Variants in PCSK6 observed in about 807,000 individuals in gnomAD.
PCSK6 encodes paired basic amino acid cleaving enzyme 4.
A neutral mutation model predicts 123.3 loss-of-function variants in PCSK6; 85 were observed. The ratio of observed to expected loss-of-function variants is 0.69; its 90% confidence interval spans 0.58 to 0.83. The LOEUF (loss-of-function observed/expected upper bound fraction) is 0.83, where lower values mean the gene tolerates loss of function less well. Among genes scored for constraint, PCSK6 ranks in the 40% least tolerant of loss-of-function variants. PCSK6 has a pLI of 0.00. For synonymous variants in PCSK6, 508 were observed against 516.0 expected, an observed-to-expected ratio of 0.98 and a Z score of 0.21; for missense variants, 1,191 against 1,282.3, an observed-to-expected ratio of 0.93 and a Z score of 1.09.
chr15:101,427,498 A>G (rs142495560), intron 6 of PCSK6, among the ~76,000 whole-genome samples: 2,152 of 152,322 alleles, frequency 0.014, 56 homozygotes, highest in African/African-American at 0.048. Context: ...AGTGGGAGTC[A>G]GAACCCAGGG....
chr15:101,453,613 A>C (rs2057094308), intron 1 of PCSK6, among the ~76,000 whole-genome samples: 1 of 152,078 alleles, frequency 6.6e-6, no homozygotes, highest in Non-Finnish European at 1.5e-5. Context: ...AATAATGGCA[A>C]CTCATTGTAC....
chr15:101,475,343 TA>T (rs939814485), intron 1 of PCSK6, among the ~76,000 whole-genome samples: 2 of 151,928 alleles, frequency 1.3e-5, no homozygotes, highest in African/African-American at 4.8e-5. Flanking sequence ...GCAACGTACT[TA>T]AAAACAAGGG....
intron 1 of PCSK6, among the ~76,000 whole-genome samples, chr15:101,478,330 G>T (rs1166487861): frequency 1.3e-5 from 2 of 152,116 alleles, no homozygotes; most frequent in Non-Finnish European, 2.9e-5. Flanking sequence ...AGTCATGGTG[G>T]GGTACTGGAA....
intron 6 of PCSK6, among the ~76,000 whole-genome samples, chr15:101,399,895 G>A (rs898224697): frequency 3.9e-5 from 6 of 152,284 alleles, no homozygotes; most frequent in African/African-American, 1.2e-4. Flanking sequence ...TCATCAAGAC[G>A]AATTCTAAAT....
rs1056241038 is a variant in PCSK6 at position 101,356,725 on chromosome 15, T to A, written c.1858+9471A>T. ...AATAAATAAATAAATAAATAAATAA[T>A]ATAGGTGTGCAGGAATAAATGAAGA... On this transcript the variant is annotated intron_variant, in intron 13 of 21. Coordinates refer to ENST00000611716, the MANE Select transcript of PCSK6 (RefSeq NM_002570.5). Among the ~76,000 whole-genome samples, 5 of 147,522 alleles carry A rather than the reference T, an allele frequency of 3.4e-5. No individual in the cohort carries two copies. In the South Asian group the frequency reaches 8.5e-4, roughly 25 times the overall value.
At chr15:101,396,162 C>G (rs2042406601) in intron 7 of PCSK6, among the ~76,000 whole-genome samples, 1 of 152,104 alleles carries the variant, frequency 6.6e-6, no homozygotes, top group Non-Finnish European at 1.5e-5. Context: ...GAAAAAAAAT[C>G]AAATGACCTC....
intron 11 of PCSK6, among the ~76,000 whole-genome samples, chr15:101,377,178 G>C (rs2041771842): frequency 1.3e-5 from 2 of 152,120 alleles, no homozygotes; most frequent in South Asian, 4.1e-4. Flanking sequence ...ACCTGCCGCA[G>C]ATGAGACGCC....
At chr15:101,402,175 T>G (rs2042608955) in intron 6 of PCSK6, among the ~76,000 whole-genome samples, 1 of 146,000 alleles carries the variant, frequency 6.8e-6, no homozygotes, top group African/African-American at 2.6e-5. Context: ...GGGGAAAGGA[T>G]TCCCTATTTA....
intron 13 of PCSK6, among the ~76,000 whole-genome samples, chr15:101,362,258 A>G (rs1425755838): frequency 6.6e-6 from 1 of 152,120 alleles, no homozygotes; most frequent in African/African-American, 2.4e-5. Context: ...GCCCAGCCCA[A>G]AGCTATTTAC....
chr15:101,475,954 A>G (rs1263146022), intron 1 of PCSK6, among the ~76,000 whole-genome samples: 1 of 152,218 alleles, frequency 6.6e-6, no homozygotes, highest in Admixed American at 6.5e-5. Context: ...AACTGGCACT[A>G]TCTGTTGGGA....
intron 1 of PCSK6, among the ~76,000 whole-genome samples, chr15:101,482,405 A>G (rs376183689): frequency 2.6e-5 from 4 of 152,224 alleles, no homozygotes; most frequent in African/African-American, 7.2e-5. Context: ...CCAGCCACCC[A>G]GGGCAAGTAC....
At chr15:101,369,235 C>A (rs2041500305) in intron 12 of PCSK6, among the ~76,000 whole-genome samples, 1 of 152,220 alleles carries the variant, frequency 6.6e-6, no homozygotes, top group African/African-American at 2.4e-5. Context: ...GGACAATGGC[C>A]CTGTCTACCT....
In PCSK6 at chr15:101,324,973, C is replaced by T. The variant is rs371726455; in HGVS notation, c.2254G>A (p.Gly752Arg). 6.2e-7 allele frequency: 1 copy of T among 1,613,164 alleles called. No individual in the cohort carries two copies. Among genetic ancestry groups the T allele is most frequent in the Non-Finnish European group, 8.5e-7 (1 of 1,179,880 alleles). ...GCTCTGCTGGAGCAGGTCTCACACC[C>T]CTTGTGGCACCGGCGACAGCGTCTT... ...AARRCRRCHK[G>R]CETCSSRAAT... The change falls in exon 17 of 22, where the codon GGG becomes AGG. Residue 752 changes from glycine (G) to arginine (R), a missense_variant. Gly to Arg is a moderately radical substitution (Grantham distance 125, BLOSUM62 -2). Coordinates refer to ENST00000611716, the MANE Select transcript of PCSK6 (RefSeq NM_002570.5).
At chr15:101,352,889 A>G (rs2040934147) in intron 13 of PCSK6, among the ~76,000 whole-genome samples, 1 of 152,214 alleles carries the variant, frequency 6.6e-6, no homozygotes, top group South Asian at 2.1e-4. Flanking sequence ...AGTCTATAGG[A>G]AAAACCCTTA....
At chr15:101,450,353 C>T (rs1169542952) in intron 1 of PCSK6, among the ~76,000 whole-genome samples, 1 of 152,182 alleles carries the variant, frequency 6.6e-6, no homozygotes. Context: ...TGCCCTCACA[C>T]ACCGTTTCAC....
intron 4 of PCSK6, among the ~76,000 whole-genome samples, chr15:101,430,395 A>T (rs928480837): frequency 1.3e-5 from 2 of 150,614 alleles, no homozygotes; most frequent in Non-Finnish European, 3.0e-5. Context: ...GGCAACCCCC[A>T]CTCCACCTTT....
intron 1 of PCSK6, among the ~76,000 whole-genome samples, chr15:101,459,771 C>A (rs968698273): frequency 1.3e-5 from 2 of 151,416 alleles, no homozygotes; most frequent in African/African-American, 4.9e-5. Flanking sequence ...GTTCCTGGTC[C>A]TCCATCCATG....
At chr15:101,440,365 CGAA>C (rs1401563401) in intron 2 of PCSK6, among the ~76,000 whole-genome samples, 1 of 152,196 alleles carries the variant, frequency 6.6e-6, no homozygotes, top group Non-Finnish European at 1.5e-5. Context: ...AGGATCAGTG[CGAA>C]GAAGATGCCT....
At position 101,305,796 on chromosome 15, in the gene PCSK6, A is replaced by G. The variant is rs1390683932; in HGVS notation, c.2813-441T>C. The G allele has an allele frequency of 6.3e-6, 1 of 158,532 alleles. No individual in the cohort carries two copies. The highest frequency in any genetic ancestry group is 1.4e-5 in the Non-Finnish European group (1 of 71,694). 9.8% of individuals were successfully genotyped at this position (158,532 alleles called of 1,614,324 possible). A position where few individuals can be genotyped will look rare whatever the true frequency, so the allele number is the denominator to read the frequency against. On this transcript the variant is annotated intron_variant, in intron 21 of 21. Coordinates refer to ENST00000611716, the MANE Select transcript of PCSK6 (RefSeq NM_002570.5). This position sits in a 1 kb window ranked among gnomAD's most constrained non-coding sequence, Gnocchi z 4.8. ...CAGTGGTGCCCTGGGCAAGAGGGAC[A>G]CAGACAGAGGTGGGCAGCAGGATGG...
Sources: gnomAD v4.1 joint callset for allele counts (sites outside exome capture counted in the v4.1 genomes callset) on GRCh38, gnomAD v4.1.1 for gene constraint, Gnocchi (gnomAD v3.1) non-coding constraint, MANE v1.5 for transcripts, NCBI Gene and HGNC (gene_info 2026-07-23, HGNC 2026-07-21) for gene names.